DIP2C: variants seen among roughly 807,000 people sequenced by gnomAD.
The protein encoded by DIP2C is DIP2 acetate--CoA ligase C (putative), also known as disco-interacting protein 2 homolog C.
A neutral mutation model predicts 192.4 loss-of-function variants in DIP2C; 33 were observed. The observed-to-expected ratio is 0.17, with a 90% CI of 0.13 to 0.23. DIP2C has a LOEUF of 0.23. Among genes scored for constraint, DIP2C ranks in the 10% least tolerant of loss-of-function variants. The pLI is 1.00. For synonymous variants in DIP2C, 979 were observed against 864.1 expected, an observed-to-expected ratio of 1.13 and a Z score of -2.33; for missense variants, 1,537 against 2,110.1, an observed-to-expected ratio of 0.73 and a Z score of 5.32.
chr10:418,998 G>A (rs958895211), intron 6 of DIP2C, 67 bp downstream of exon 6: 5 of 1,600,696 alleles, frequency 3.1e-6, no homozygotes, highest in Non-Finnish European at 4.3e-6. Context: ...TCCAGTCATG[G>A]GCACGGAACG....
At chr10:623,353 C>T (rs552667867) in intron 1 of DIP2C, among the ~76,000 whole-genome samples, 3 of 150,988 alleles carry the variant, frequency 2.0e-5, no homozygotes, top group African/African-American at 4.9e-5. Context: ...GCCGTGCTGG[C>T]GAGGGAGGTC....
At chr10:460,684 C>CA (rs1281481657) in intron 3 of DIP2C, among the ~76,000 whole-genome samples, 1 of 152,050 alleles carries the variant, frequency 6.6e-6, no homozygotes, top group Admixed American at 6.6e-5. Flanking sequence ...GGCCCACATT[C>CA]AAATTGAGAA....
intron 1 of DIP2C, chr10:663,110 G>T (rs1444486630): frequency 1.8e-6 from 1 of 542,288 alleles, no homozygotes; most frequent in Non-Finnish European, 3.3e-6. Context: ...GTCTGCAGAG[G>T]GGGAGATCCC....
intron 1 of DIP2C, among the ~76,000 whole-genome samples, chr10:640,812 G>A (rs1436201442): frequency 6.6e-6 from 1 of 152,040 alleles, no homozygotes; most frequent in East Asian, 1.9e-4. Context: ...GAACCTGGGG[G>A]CAGCAAGGCC....
intron 3 of DIP2C, among the ~76,000 whole-genome samples, chr10:467,957 AATAT>A (rs1177697855): frequency 2.0e-5 from 3 of 152,148 alleles, no homozygotes; most frequent in Admixed American, 2.0e-4. Flanking sequence ...TATAATAAAA[AATAT>A]ATATAAATTA....
chr10:440,830 C>T (rs1326853034), intron 4 of DIP2C, 41 bp downstream of exon 4: 7 of 1,589,596 alleles, frequency 4.4e-6, no homozygotes, highest in South Asian at 2.3e-5. Flanking sequence ...CTGAGGTGCC[C>T]GGCACATTCA....
chr10:508,010 G>A (rs919250951), intron 1 of DIP2C, among the ~76,000 whole-genome samples: 12 of 152,144 alleles, frequency 7.9e-5, no homozygotes, highest in Admixed American at 6.5e-5. Flanking sequence ...CTGCAACCAC[G>A]TCTCTGTGCT....
intron 32 of DIP2C, among the ~76,000 whole-genome samples, chr10:304,597 A>G (rs1166486303): frequency 6.6e-6 from 1 of 152,196 alleles, no homozygotes; most frequent in Non-Finnish European, 1.5e-5. Context: ...GCATGTGTGT[A>G]TACTTGTAAC....
intron 1 of DIP2C, among the ~76,000 whole-genome samples, chr10:498,649 T>C (rs1048553750): frequency 6.6e-6 from 1 of 152,130 alleles, no homozygotes; most frequent in African/African-American, 2.4e-5. Context: ...CCAGAGAATA[T>C]AATTTTTCAA....
At chr10:646,124 G>T (rs1315256175) in intron 1 of DIP2C, among the ~76,000 whole-genome samples, 1 of 152,182 alleles carries the variant, frequency 6.6e-6, no homozygotes, top group Non-Finnish European at 1.5e-5. Flanking sequence ...TGTGTCAGCT[G>T]GGCCCTCACC....
intron 4 of DIP2C, among the ~76,000 whole-genome samples, chr10:427,015 T>TA (rs1372005656): frequency 6.6e-6 from 1 of 152,212 alleles, no homozygotes; most frequent in African/African-American, 2.4e-5. Flanking sequence ...AGAAAACTAC[T>TA]AAGTTTTAAA....
At chr10:542,358 A>T (rs1309055876) in intron 1 of DIP2C, among the ~76,000 whole-genome samples, 1 of 152,172 alleles carries the variant, frequency 6.6e-6, no homozygotes, top group Non-Finnish European at 1.5e-5. Context: ...CTCCTGGCAG[A>T]GCTTTGCTGT....
At chr10:520,190 G>A (rs1039853818) in intron 1 of DIP2C, among the ~76,000 whole-genome samples, 7 of 152,130 alleles carry the variant, frequency 4.6e-5, no homozygotes, top group South Asian at 4.1e-4. Context: ...GGCTGGGGTC[G>A]ACATGCTTAC....
chr10:566,081 C>CA lies in DIP2C; in HGVS notation c.86-79552dup, dbSNP rs567628246. On this transcript the variant is annotated intron_variant, in intron 1 of 36. Coordinates refer to ENST00000280886, the MANE Select transcript of DIP2C (RefSeq NM_014974.3). ...AACAAAACAAAAAAACCACGTATCTCAACACTGGGACATGCTCTAAGAATA... is the reference window on the plus strand; with the variant it reads ...AACAAAACAAAAAAACCACGTATCTCAAACACTGGGACATGCTCTAAGAATA... Among the ~76,000 whole-genome samples the CA allele has an allele frequency of 6.1e-4, 93 of 152,364 alleles. 1 individual carries two copies. The South Asian group carries it at 7.5e-3, about 12-fold the overall frequency.
intron 26 of DIP2C, 71 bp downstream of exon 26, chr10:348,570 G>C (rs1043360199): frequency 2.9e-5 from 46 of 1,566,056 alleles, no homozygotes; most frequent in Non-Finnish European, 3.9e-5. Flanking sequence ...AGAGATGTCA[G>C]AGTCTGCGCG....
intron 1 of DIP2C, among the ~76,000 whole-genome samples, chr10:515,378 C>A (rs1453810977): frequency 2.6e-5 from 4 of 152,160 alleles, no homozygotes; most frequent in Non-Finnish European, 5.9e-5. Context: ...CTCTTCCAAG[C>A]TGATTTTCAA....
At position 363,680 on chromosome 10, in the gene DIP2C, C is replaced by A. The variant is rs1959821586; in HGVS notation, c.2478-369G>T. ...TTGCACCCGTGAAGTTAACGGTCTC[C>A]AAATCAGTAGAAATTTGCCGTTTCA... On this transcript the variant is annotated intron_variant, in intron 20 of 36. Coordinates refer to ENST00000280886, the MANE Select transcript of DIP2C (RefSeq NM_014974.3). The surrounding 1 kb of genome is among the most constrained non-coding windows in gnomAD (Gnocchi z 5.4). Among the ~76,000 whole-genome samples, 1 of 152,188 alleles carries A rather than the reference C, an allele frequency of 6.6e-6. No individual in the cohort carries two copies. Among genetic ancestry groups the A allele is most frequent in the Admixed American group, 6.5e-5 (1 of 15,286 alleles).
At chr10:595,760 C>T (rs1458433563) in intron 1 of DIP2C, among the ~76,000 whole-genome samples, 1 of 152,106 alleles carries the variant, frequency 6.6e-6, no homozygotes, top group Non-Finnish European at 1.5e-5. Context: ...CAGGTTTTTT[C>T]AATAAGGGTT....
intron 2 of DIP2C, among the ~76,000 whole-genome samples, chr10:474,541 C>T (rs1970907191): frequency 7.5e-6 from 1 of 134,014 alleles, no homozygotes; most frequent in Non-Finnish European, 1.6e-5. Context: ...GTCACTGGGC[C>T]ACGCCTTTCT....
Sources: allele counts gnomAD v4.1 joint callset (sites outside exome capture counted in the v4.1 genomes callset), GRCh38; gene constraint gnomAD v4.1.1; non-coding constraint Gnocchi (gnomAD v3.1); transcripts MANE v1.5; gene names NCBI Gene and HGNC (gene_info 2026-07-23, HGNC 2026-07-21).